PDE4D: variants seen among roughly 807,000 people sequenced by gnomAD.
PDE4D encodes 3',5'-cyclic-AMP phosphodiesterase 4D.
A neutral mutation model predicts 87.4 loss-of-function variants in PDE4D; 24 were observed. That is an observed-to-expected ratio of 0.27 (90% CI 0.20 to 0.39). The LOEUF (loss-of-function observed/expected upper bound fraction) is 0.39, where lower values mean the gene tolerates loss of function less well. Among genes scored for constraint, PDE4D ranks in the 10% least tolerant of loss-of-function variants. The probability of loss-of-function intolerance (pLI) is 1.00; values close to 1 mark genes in which losing one functional copy is unlikely to be tolerated. For synonymous variants in PDE4D, 384 were observed against 383.2 expected (o/e 1.00, Z -0.02); for missense variants, 714 against 1,041.0 (o/e 0.69, Z 4.32).
chr5:60,052,741 G>T (rs1425134987), intron 2 of PDE4D, among the ~76,000 whole-genome samples: 1 of 152,232 alleles, frequency 6.6e-6, no homozygotes, highest in Non-Finnish European at 1.5e-5. Context: ...AAGAGAGGAA[G>T]TCAAATTGTC....
At chr5:60,009,643 GAC>G (rs1764823426) in intron 2 of PDE4D, among the ~76,000 whole-genome samples, 1 of 151,990 alleles carries the variant, frequency 6.6e-6, no homozygotes, top group African/African-American at 2.4e-5. Flanking sequence ...CATACAAAAG[GAC>G]AGTTTGCAAA....
At chr5:60,168,992 T>C (rs867946870) in intron 2 of PDE4D, among the ~76,000 whole-genome samples, 2 of 152,222 alleles carry the variant, frequency 1.3e-5, no homozygotes. Flanking sequence ...GTTGTTGTAC[T>C]TGTTATTACT....
intron 3 of PDE4D, among the ~76,000 whole-genome samples, chr5:59,933,773 T>G (rs1167448620): frequency 6.5e-5 from 6 of 92,870 alleles, no homozygotes; most frequent in African/African-American, 1.7e-4. Context: ...TAAAAGGAGA[T>G]ATATATATAT....
chr5:59,786,256 G>A (rs1448573181), intron 1 of PDE4D, among the ~76,000 whole-genome samples: 2 of 152,212 alleles, frequency 1.3e-5, no homozygotes, highest in African/African-American at 4.8e-5. Flanking sequence ...GCATCACTGA[G>A]AAAAACTTAA....
At chr5:59,668,804 A>AAGAAAGAAGAAGAAGAAAG (rs1219213121) in intron 1 of PDE4D, among the ~76,000 whole-genome samples, 1 of 108,210 alleles carries the variant, frequency 9.2e-6, no homozygotes, top group African/African-American at 4.1e-5. Flanking sequence ...GAAGAAGAAG[A>AAGAAAGAAGAAGAAGAAAG]AAGAAGAAGA....
intron 6 of PDE4D, among the ~76,000 whole-genome samples, chr5:59,008,702 G>T (rs1360843663): frequency 4.0e-5 from 6 of 151,808 alleles, no homozygotes; most frequent in South Asian, 4.1e-4. Context: ...AACCACAAAA[G>T]CATGAAGCAT....
chr5:59,590,258 TTAGGCAG>T (rs1825735033), intron 1 of PDE4D, among the ~76,000 whole-genome samples: 2 of 152,160 alleles, frequency 1.3e-5, no homozygotes, highest in Non-Finnish European at 2.9e-5. Context: ...GAAACAACAG[TTAGGCAG>T]AACTAATAGG....
At position 60,149,650 on chromosome 5, in the gene PDE4D, AT is replaced by A. The variant is rs1437229979; in HGVS notation, c.42+35906del. Among the ~76,000 whole-genome samples, 5 of 151,912 alleles carry A rather than the reference AT, an allele frequency of 3.3e-5. No individual in the cohort carries two copies. In the East Asian group the frequency reaches 9.7e-4, roughly 29 times the overall value. The stretch of plus-strand genomic sequence containing the variant: ...TTCCTCTTCCAACTGGCCATTTAGA[AT>A]TTCAGTAGATCCTATGTTCTGGTAT... On this transcript the variant is annotated intron_variant, in intron 2 of 16. Coordinates refer to the PDE4D transcript ENST00000502484.
intron 1 of PDE4D, among the ~76,000 whole-genome samples, chr5:59,712,393 C>T (rs1277838165): frequency 2.4e-5 from 3 of 122,602 alleles, no homozygotes; most frequent in Admixed American, 8.3e-5. Flanking sequence ...TAATATTATT[C>T]ATATATATAT....
At chr5:59,431,137 C>T (rs1436590463) in intron 1 of PDE4D, among the ~76,000 whole-genome samples, 5 of 152,094 alleles carry the variant, frequency 3.3e-5, no homozygotes, top group African/African-American at 9.7e-5. Context: ...TTGAGAAATG[C>T]ACCTTCTACC....
At chr5:59,516,334 C>T (rs534735350) in intron 1 of PDE4D, among the ~76,000 whole-genome samples, 147 of 152,130 alleles carry the variant, frequency 9.7e-4, no homozygotes, top group African/African-American at 3.4e-3. Flanking sequence ...TTAGCTTTTC[C>T]TTCTCAGTCC....
At chr5:59,174,665 C>T (rs1783544087) in intron 5 of PDE4D, among the ~76,000 whole-genome samples, 1 of 152,148 alleles carries the variant, frequency 6.6e-6, no homozygotes, top group African/African-American at 2.4e-5. Flanking sequence ...ACATCTATTA[C>T]TCAGGAGTTA....
intron 5 of PDE4D, among the ~76,000 whole-genome samples, chr5:59,065,075 C>T (rs1300832969): frequency 0.21 from 2,558 of 12,046 alleles, 75 homozygotes; most frequent in African/African-American, 0.45. Context: ...TATACACACA[C>T]ACACACACAC....
intron 1 of PDE4D, among the ~76,000 whole-genome samples, chr5:59,617,507 G>A (rs1346943437): frequency 1.3e-5 from 2 of 152,136 alleles, no homozygotes; most frequent in Non-Finnish European, 2.9e-5. Flanking sequence ...ATTGTTGCAG[G>A]TATGATTCAT....
At chr5:60,469,498 TTTTATTGCACTTTGC>T (rs1443724993) in intron 1 of PDE4D, among the ~76,000 whole-genome samples, 13 of 152,192 alleles carry the variant, frequency 8.5e-5, no homozygotes, top group Non-Finnish European at 4.4e-5. Context: ...CCCTTATCTG[TTTTATTGCACTTTGC>T]TTTATTGCAC....
intron 1 of PDE4D, among the ~76,000 whole-genome samples, chr5:59,828,204 G>GA (rs1200468781): frequency 5.3e-5 from 8 of 151,604 alleles, no homozygotes; most frequent in African/African-American, 1.9e-4. Flanking sequence ...AAAAGAGAGA[G>GA]AAAAAATGAT....
chr5:59,844,124 G>A (rs139391159), intron 1 of PDE4D, among the ~76,000 whole-genome samples: 1 of 152,048 alleles, frequency 6.6e-6, no homozygotes, highest in East Asian at 1.9e-4. Context: ...TCAAACACCT[G>A]GAGTACAAAA....
chr5:59,248,429 C>T (rs1456680601), intron 1 of PDE4D, among the ~76,000 whole-genome samples: 1 of 151,836 alleles, frequency 6.6e-6, no homozygotes, highest in Non-Finnish European at 1.5e-5. Context: ...CCAGTCCCAT[C>T]AGCCTCTGCT....
At chr5:60,305,881 A>G (rs1183578141) in intron 1 of PDE4D, among the ~76,000 whole-genome samples, 1 of 152,094 alleles carries the variant, frequency 6.6e-6, no homozygotes, top group African/African-American at 2.4e-5. Flanking sequence ...ACAGAAATAC[A>G]GTACTAAAGT....
Sources: gnomAD v4.1 joint callset for allele counts (sites outside exome capture counted in the v4.1 genomes callset) on GRCh38, gnomAD v4.1.1 for gene constraint, MANE v1.5 for transcripts, NCBI Gene and HGNC (gene_info 2026-07-23, HGNC 2026-07-21) for gene names.